Variants in ADAMTS17 observed in about 807,000 individuals in gnomAD.
The protein encoded by ADAMTS17 is A disintegrin and metalloproteinase with thrombospondin motifs 17.
Under a neutral mutation model 141.5 loss-of-function variants are expected in ADAMTS17, and 113 were observed. The ratio of observed to expected loss-of-function variants is 0.80; its 90% CI spans 0.69 to 0.93. The LOEUF (loss-of-function observed/expected upper bound fraction) is 0.93. Ranked by LOEUF, ADAMTS17 falls within the 40% of genes least tolerant of loss-of-function variation. The pLI is 0.00. For missense variants in ADAMTS17, 1,659 were observed against 1,517.9 expected, an observed-to-expected ratio of 1.09 and a Z score of -1.54; for synonymous variants, 768 against 630.6, an observed-to-expected ratio of 1.22 and a Z score of -3.27.
chr15:100,272,288 T>G (rs2043940911), intron 4 of ADAMTS17, among the ~76,000 whole-genome samples: 1 of 152,184 alleles, frequency 6.6e-6, no homozygotes, highest in African/African-American at 2.4e-5. Context: ...GTAAACTGCT[T>G]TGGATAACAT....
At chr15:100,142,852 A>G (rs2038724879) in intron 10 of ADAMTS17, among the ~76,000 whole-genome samples, 1 of 152,234 alleles carries the variant, frequency 6.6e-6, no homozygotes, top group African/African-American at 2.4e-5. Flanking sequence ...GTCTTCCTGA[A>G]ATGATTGGCT....
At chr15:100,140,750 C>T (rs1596539977) in intron 10 of ADAMTS17, among the ~76,000 whole-genome samples, 3 of 152,046 alleles carry the variant, frequency 2.0e-5, no homozygotes, top group South Asian at 4.2e-4. Context: ...CACTACCTCT[C>T]CATCAGTCCC....
intron 4 of ADAMTS17, among the ~76,000 whole-genome samples, chr15:100,266,100 GT>G (rs2043707043): frequency 6.6e-6 from 1 of 152,126 alleles, no homozygotes; most frequent in African/African-American, 2.4e-5. Context: ...AACAGCTCAG[GT>G]TTTTCATTCC....
Position 100,072,410 on chromosome 15 carries a change from A to C in ADAMTS17, c.2138-18356T>G, listed in dbSNP as rs552552860. On this transcript the variant is annotated intron_variant, in intron 15 of 21. Coordinates refer to ENST00000268070, the MANE Select transcript of ADAMTS17 (RefSeq NM_139057.4). ...TCACAGAATTGGAAAAAACTACTTT[A>C]AAGTTCCTATGGAACCAAAAAAGAG... 7.4e-5 allele frequency among the ~76,000 whole-genome samples: 11 copies of C among 149,508 alleles called. 1 individual carries two copies. The highest frequency in any genetic ancestry group is 1.6e-4 in the Non-Finnish European group (11 of 67,294).
chr15:100,051,585 C>G lies in ADAMTS17; in HGVS notation c.2442G>C (p.Val814=). 2 of 1,613,838 alleles carry G rather than the reference C, an allele frequency of 1.2e-6. No homozygotes were observed. The highest frequency in any genetic ancestry group is 8.5e-7 in the Non-Finnish European group (1 of 1,179,956). Residue 814 remains valine, a synonymous_variant, in exon 17 of 22, where the codon GTG becomes GTC. Transcript: ENST00000268070. ...WTHSGWEGCS[V]QCGGGERRTI... ...ACGGCCACTCACCTCCGCCGCACTG[C>G]ACACTGCACCCTTCCCAGCCGCTGT... is the stretch of plus-strand genomic sequence containing the variant.
chr15:100,056,347 C>T (rs1275308744), intron 15 of ADAMTS17, among the ~76,000 whole-genome samples: 2 of 151,276 alleles, frequency 1.3e-5, no homozygotes, highest in Non-Finnish European at 2.9e-5. Flanking sequence ...ACCAAGGGGC[C>T]AGAGTCCTTT....
At chr15:100,334,376 G>A (rs1018320918) in intron 2 of ADAMTS17, among the ~76,000 whole-genome samples, 1 of 152,160 alleles carries the variant, frequency 6.6e-6, no homozygotes, top group Admixed American at 6.5e-5. Context: ...CTTTCTTCAG[G>A]AGTCTGCAGC....
At chr15:100,254,110 G>A in intron 7 of ADAMTS17, 26 bp downstream of exon 7, 1 of 1,607,840 alleles carries the variant, frequency 6.2e-7, no homozygotes, top group Non-Finnish European at 8.5e-7. Flanking sequence ...CAGCCCCTTA[G>A]ATTATTATTT....
At chr15:100,106,837 T>A (rs1342570610) in intron 14 of ADAMTS17, among the ~76,000 whole-genome samples, 1 of 152,218 alleles carries the variant, frequency 6.6e-6, no homozygotes, top group Non-Finnish European at 1.5e-5. Flanking sequence ...ATGCCTCATT[T>A]CAGTAACAAT....
At chr15:100,033,902 T>A (rs2030441653) in intron 18 of ADAMTS17, among the ~76,000 whole-genome samples, 1 of 152,208 alleles carries the variant, frequency 6.6e-6, no homozygotes, top group African/African-American at 2.4e-5. Context: ...CACGATCACC[T>A]CCTTCCATTT....
At chr15:100,215,759 T>C (rs1395998935) in intron 7 of ADAMTS17, among the ~76,000 whole-genome samples, 4 of 151,904 alleles carry the variant, frequency 2.6e-5, no homozygotes, top group Non-Finnish European at 5.9e-5. Flanking sequence ...GAGCTGCTAG[T>C]GTATTTCCCT....
rs374167548 is a variant in ADAMTS17 at position 100,254,141 on chromosome 15, G to A, written c.1070C>T (p.Thr357Ile). 1.9e-6 allele frequency: 3 copies of A among 1,613,378 alleles called. No individual in the cohort carries two copies. Among genetic ancestry groups the A allele is most frequent in the Non-Finnish European group, 2.5e-6 (3 of 1,179,358 alleles). The change falls in exon 7 of 22, where the codon ACT (threonine) becomes ATT (isoleucine). Residue 357 changes from threonine to isoleucine, a missense_variant. By Grantham distance (89) the Thr-to-Ile change is moderately conservative. Transcript: ENST00000268070. The part of the protein sequence containing the change: ...FCVHKDEPCD[T>I]VGIAYLGGVC... ...TATTTCAACTCTAAACTTACCAACA[G>A]TGTCACACGGTTCATCCTTGTGTAC... is the stretch of plus-strand genomic sequence containing the variant.
chr15:100,199,712 C>G, intron 7 of ADAMTS17, among the ~76,000 whole-genome samples: 1 of 152,186 alleles, frequency 6.6e-6, no homozygotes, highest in East Asian at 1.9e-4. Context: ...ATGAGGGAAA[C>G]TGAGGTTTGG....
intron 7 of ADAMTS17, 82 bp downstream of exon 7, chr15:100,254,054 C>A: frequency 7.4e-7 from 1 of 1,351,124 alleles, no homozygotes; most frequent in East Asian, 2.3e-5. Flanking sequence ...TTGAGGACAG[C>A]TCCTCCACTG....
rs184622561 is a variant in ADAMTS17 at position 100,319,790 on chromosome 15, C to T, written c.616+11099G>A. 9.2e-5 allele frequency among the ~76,000 whole-genome samples: 14 copies of T among 151,484 alleles called. No homozygotes were observed. In the East Asian group the frequency reaches 1.2e-3, roughly 13 times the overall value. ...TTATACTAAGAAGATCTAGGTGGGG[C>T]GCGGTGGCTCACACCTATAATCCCA... On this transcript the variant is annotated intron_variant, in intron 3 of 21. Transcript: ENST00000268070.
chr15:100,091,088 G>A (rs1040743781), intron 15 of ADAMTS17, among the ~76,000 whole-genome samples: 8 of 149,538 alleles, frequency 5.3e-5, no homozygotes, highest in African/African-American at 2.0e-4. Context: ...TCCACAAACC[G>A]GGGAAACTGC....
intron 20 of ADAMTS17, among the ~76,000 whole-genome samples, chr15:99,990,022 T>C (rs572064419): frequency 6.6e-6 from 1 of 152,308 alleles, no homozygotes; most frequent in African/African-American, 2.4e-5. Context: ...ATGTCTCTAT[T>C]GTGTGAGTTC....
At chr15:100,230,732 G>C (rs560938156) in intron 7 of ADAMTS17, among the ~76,000 whole-genome samples, 14 of 152,282 alleles carry the variant, frequency 9.2e-5, no homozygotes, top group African/African-American at 3.4e-4. Flanking sequence ...TTAAATGAAG[G>C]CACCAATAGT....
chr15:100,058,093 C>A (rs914555518), intron 15 of ADAMTS17, among the ~76,000 whole-genome samples: 19 of 151,942 alleles, frequency 1.3e-4, no homozygotes, highest in African/African-American at 4.6e-4. Context: ...CTGGCACACT[C>A]CACCCCTGCC....
Sources: allele counts gnomAD v4.1 joint callset (sites outside exome capture counted in the v4.1 genomes callset), GRCh38; gene constraint gnomAD v4.1.1; transcripts MANE v1.5; gene names NCBI Gene and HGNC (gene_info 2026-07-23, HGNC 2026-07-21).